AFM: variants seen among roughly 807,000 people sequenced by gnomAD.
AFM encodes alpha-Alb.
AFM carries 82 observed loss-of-function variants against 68.7 expected under a neutral mutation model. That is an observed-to-expected ratio of 1.19 (90% CI 1.00 to 1.43). The LOEUF (loss-of-function observed/expected upper bound fraction) is 1.43, where lower values mean the gene tolerates loss of function less well. Among genes scored for constraint, AFM ranks in the 40% most tolerant of loss-of-function variants. The probability of loss-of-function intolerance (pLI) is 0.00; values close to 1 mark genes in which losing one functional copy is unlikely to be tolerated. For synonymous variants in AFM, 250 were observed against 234.2 expected (o/e 1.07, Z -0.61); for missense variants, 772 against 701.8 (o/e 1.10, Z -1.13).
At chr4:73,494,750 C>T (rs1282157155) in intron 8 of AFM, among the ~76,000 whole-genome samples, 1 of 152,116 alleles carries the variant, frequency 6.6e-6, no homozygotes, top group Non-Finnish European at 1.5e-5. Flanking sequence ...AAATCACACC[C>T]ACCTATGCTC....
At chr4:73,487,168 T>C in intron 5 of AFM, 69 bp downstream of exon 5, 1 of 1,529,628 alleles carries the variant, frequency 6.5e-7, no homozygotes, top group Non-Finnish European at 8.9e-7. Context: ...GACCCTGACT[T>C]ATATTATAGC....
chr4:73,498,750 T>C (rs1721330434), intron 10 of AFM, among the ~76,000 whole-genome samples: 1 of 152,212 alleles, frequency 6.6e-6, no homozygotes. Flanking sequence ...TTACAACATA[T>C]ATTGATTAAA....
intron 7 of AFM, among the ~76,000 whole-genome samples, chr4:73,489,871 G>A (rs1226949621): frequency 6.6e-6 from 1 of 152,096 alleles, no homozygotes; most frequent in Admixed American, 6.6e-5. Flanking sequence ...CATGCATGCG[G>A]GGCTTAAAAC....
At chr4:73,486,637 G>A (rs975797424) in intron 4 of AFM, among the ~76,000 whole-genome samples, 2 of 152,190 alleles carry the variant, frequency 1.3e-5, no homozygotes, top group Non-Finnish European at 2.9e-5. Context: ...CTGGTAGCAT[G>A]TGGATGGAAG....
At position 73,484,325 on chromosome 4, in the gene AFM, G is replaced by A. The variant is rs1253978636; in HGVS notation, c.205G>A (p.Asp69Asn). Residue 69 changes from aspartate to asparagine, a missense_variant, in exon 3 of 15, where the codon GAC becomes AAC. Physicochemically the swap from Asp to Asn is conservative, Grantham distance 23. Coordinates refer to ENST00000226355, the MANE Select transcript of AFM (RefSeq NM_001133.2). ...TGAAGAAATGGAAAAGCTGGTGAAA[G>A]ACATGGTAGAATACAAAGACAGATG... ...TFEEMEKLVK[D>N]MVEYKDRCMA... is the part of the protein sequence containing the mutation. 1 of 1,613,474 alleles carries A rather than the reference G, an allele frequency of 6.2e-7. No individual in the cohort carries two copies. Among genetic ancestry groups the A allele is most frequent in the South Asian group, 1.1e-5 (1 of 90,996 alleles).
At chr4:73,499,293 A>T (rs1158255456) in intron 11 of AFM, 47 bp downstream of exon 11, 2 of 1,416,162 alleles carry the variant, frequency 1.4e-6, no homozygotes, top group Non-Finnish European at 1.9e-6. Context: ...TTTTTTTTAA[A>T]AAAAAGAATA....
At chr4:73,499,866 A>T in intron 11 of AFM, 138 bp from the exon 12 acceptor site, 1 of 694,450 alleles carries the variant, frequency 1.4e-6, no homozygotes, top group Non-Finnish European at 2.4e-6. Flanking sequence ...GTATATAGGG[A>T]TATGTCATGA....
chr4:73,495,309 T>G lies in AFM; in HGVS notation c.1068T>G (p.Phe356Leu), dbSNP rs759368825. 37 of 1,579,676 alleles carry G rather than the reference T, an allele frequency of 2.3e-5. No homozygotes were observed. In the Admixed American group the frequency reaches 7.5e-4, roughly 32 times the overall value. Residue 356 changes from phenylalanine to leucine, a missense_variant, in exon 9 of 15, where the codon TTT becomes TTG. By Grantham distance (22) the Phe-to-Leu change is conservative. Coordinates refer to ENST00000226355, the MANE Select transcript of AFM (RefSeq NM_001133.2). Reference sequence around the variant, plus strand: ...ATTTTACACATTGCAGGTTTACTTTTGAATACTCAAGGAGACATCCAGACC... The same window carrying G: ...ATTTTACACATTGCAGGTTTACTTTGGAATACTCAAGGAGACATCCAGACC... ...DPDTFFAKFTFEYSRRHPDLS... is the reference protein window; with the variant it reads ...DPDTFFAKFTLEYSRRHPDLS...
At chr4:73,486,917 C>T in intron 4 of AFM, 50 bp from the exon 5 acceptor site, 2 of 1,568,210 alleles carry the variant, frequency 1.3e-6, no homozygotes, top group Non-Finnish European at 1.7e-6. Context: ...TTCATTGCTT[C>T]CTGTTTCTTC....
chr4:73,497,363 T>C (rs1721283754), intron 9 of AFM, among the ~76,000 whole-genome samples: 1 of 152,226 alleles, frequency 6.6e-6, no homozygotes, highest in Non-Finnish European at 1.5e-5. Flanking sequence ...ATGTTATTAT[T>C]TTCAACATAC....
chr4:73,501,063 C>T (rs1721410100), intron 12 of AFM, among the ~76,000 whole-genome samples: 1 of 152,078 alleles, frequency 6.6e-6, no homozygotes, highest in Non-Finnish European at 1.5e-5. Flanking sequence ...AATAATTACT[C>T]TAAAAATGTA....
At chr4:73,492,529 T>A (rs2149344982) in intron 8 of AFM, among the ~76,000 whole-genome samples, 1 of 152,166 alleles carries the variant, frequency 6.6e-6, no homozygotes, top group Admixed American at 6.5e-5. Context: ...TGCTATGCCA[T>A]CTACAACTGT....
At chr4:73,486,236 A>T (rs192664376) in intron 4 of AFM, among the ~76,000 whole-genome samples, 163 bp downstream of exon 4, 44 of 152,336 alleles carry the variant, frequency 2.9e-4, no homozygotes, top group Admixed American at 2.5e-3. Flanking sequence ...AGTGTTCAGG[A>T]TATAACTATG....
chr4:73,483,904 C>A (rs1396106393), intron 1 of AFM, 37 bp from the exon 2 acceptor site: 8 of 1,467,290 alleles, frequency 5.5e-6, no homozygotes, highest in Non-Finnish European at 7.4e-6. Flanking sequence ...GTTAGAAAAC[C>A]ATGCTATGTA....
chr4:73,482,372 C>T (rs1053099266), intron 1 of AFM, among the ~76,000 whole-genome samples: 2 of 152,192 alleles, frequency 1.3e-5, no homozygotes, highest in African/African-American at 4.8e-5. Context: ...TTATTTCTTC[C>T]ATCCAAAGGG....
intron 8 of AFM, among the ~76,000 whole-genome samples, chr4:73,493,918 G>A (rs1202070148): frequency 2.0e-5 from 3 of 152,180 alleles, no homozygotes; most frequent in Non-Finnish European, 2.9e-5. Flanking sequence ...GAGTAACAGT[G>A]AGCACACCAA....
In AFM at chr4:73,488,722, G is replaced by A. The variant is rs370376533; in HGVS notation, c.806G>A (p.Cys269Tyr). Residue 269 changes from cysteine to tyrosine, a missense_variant, in exon 7 of 15, where the codon TGC becomes TAC. By Grantham distance (194) the Cys-to-Tyr change is radical. Coordinates refer to ENST00000226355, the MANE Select transcript of AFM (RefSeq NM_001133.2). ...VEDVSSNYDG[C>Y]CEGDVVQCIR... ...GATGTTTCTTCCAACTATGATGGAT[G>A]CTGTGAAGGGGATGTTGTGCAGTGC... 6 of 1,613,136 alleles carry A rather than the reference G, an allele frequency of 3.7e-6. No individual in the cohort carries two copies. Among genetic ancestry groups the A allele is most frequent in the Non-Finnish European group, 4.2e-6 (5 of 1,179,580 alleles).
chr4:73,490,432 T>C (rs973414609), intron 7 of AFM, among the ~76,000 whole-genome samples: 3 of 152,170 alleles, frequency 2.0e-5, no homozygotes, highest in African/African-American at 4.8e-5. Context: ...GTTTGTTTGT[T>C]TTTTGAGACG....
At chr4:73,483,912 G>T in intron 1 of AFM, 29 bp from the exon 2 acceptor site, 1 of 1,492,110 alleles carries the variant, frequency 6.7e-7, no homozygotes, top group East Asian at 2.3e-5. Flanking sequence ...ACCATGCTAT[G>T]TAATAACCTA....
Sources: gnomAD v4.1 joint callset for allele counts (sites outside exome capture counted in the v4.1 genomes callset) on GRCh38, gnomAD v4.1.1 for gene constraint, MANE v1.5 for transcripts, NCBI Gene and HGNC (gene_info 2026-07-23, HGNC 2026-07-21) for gene names.